GLIS1: variants seen among roughly 807,000 people sequenced by gnomAD.
GLIS1 encodes the protein GLIS family zinc finger 1.
In GLIS1, 24 loss-of-function variants were observed where a neutral mutation model predicts 63.8. The ratio of observed to expected loss-of-function variants is 0.38; its 90% CI spans 0.27 to 0.53. The LOEUF is 0.53. GLIS1 is among the 20% of genes least tolerant of loss of function. The probability of loss-of-function intolerance (pLI) is 0.85; values close to 1 mark genes in which losing one functional copy is unlikely to be tolerated. For missense variants in GLIS1, 1,036 were observed against 1,074.1 expected, an observed-to-expected ratio of 0.96 and a Z score of 0.50; for synonymous variants, 450 against 482.5, an observed-to-expected ratio of 0.93 and a Z score of 0.88.
intron 2 of GLIS1, among the ~76,000 whole-genome samples, chr1:53,630,578 C>T (rs1645641351): frequency 6.6e-6 from 1 of 152,006 alleles, no homozygotes; most frequent in African/African-American, 2.4e-5. Flanking sequence ...TCACTGCAAC[C>T]TCTGCCTCCC....
chr1:53,724,056 A>C (rs565665742), intron 2 of GLIS1, among the ~76,000 whole-genome samples: 7 of 152,326 alleles, frequency 4.6e-5, no homozygotes, highest in African/African-American at 1.4e-4. Context: ...GTGCTGCCTT[A>C]AGAACACTCT....
intron 2 of GLIS1, among the ~76,000 whole-genome samples, chr1:53,638,807 CG>C (rs1002544762): frequency 1.3e-5 from 2 of 152,002 alleles, no homozygotes; most frequent in African/African-American, 4.8e-5. Flanking sequence ...AGGGAGTGGC[CG>C]GGGGAGCACA....
At chr1:53,664,414 T>C (rs1347639174) in intron 2 of GLIS1, among the ~76,000 whole-genome samples, 1 of 152,258 alleles carries the variant, frequency 6.6e-6, no homozygotes, top group Non-Finnish European at 1.5e-5. Context: ...AATGGACATA[T>C]GAATTCTCTG....
intron 4 of GLIS1, among the ~76,000 whole-genome samples, chr1:53,536,879 G>C (rs907443755): frequency 2.6e-5 from 4 of 151,158 alleles, no homozygotes; most frequent in Non-Finnish European, 5.9e-5. Context: ...GGAGAAGAAA[G>C]TACCAGCTGA....
At chr1:53,529,322 C>T (rs1204256836) in intron 5 of GLIS1, among the ~76,000 whole-genome samples, 3 of 152,142 alleles carry the variant, frequency 2.0e-5, no homozygotes, top group African/African-American at 7.2e-5. Flanking sequence ...CAAAAGACCA[C>T]CCTGGAGAGC....
intron 2 of GLIS1, among the ~76,000 whole-genome samples, chr1:53,656,379 T>C (rs1340119357): frequency 2.6e-5 from 4 of 152,200 alleles, no homozygotes; most frequent in Non-Finnish European, 5.9e-5. Context: ...CCGGGGAGGC[T>C]GCATTAACGG....
chr1:53,508,279 G>A (rs1293062791), intron 10 of GLIS1, among the ~76,000 whole-genome samples: 3 of 152,240 alleles, frequency 2.0e-5, no homozygotes, highest in Non-Finnish European at 4.4e-5. Context: ...TGGCACGGGC[G>A]CAGGTGTGTG....
rs554201532 is a variant in GLIS1, at chr1:53,612,517, G to A, written c.260-12239C>T. 3.9e-5 allele frequency among the ~76,000 whole-genome samples: 6 copies of A among 152,246 alleles called. No individual in the cohort carries two copies. The South Asian group carries it at 1.2e-3, about 32-fold the overall frequency. ...GGCCTCCCAAAGTGCTGGGACTACA[G>A]GTGTGAGCCACCGCGCCTGGCCTGT... On this transcript the variant is annotated intron_variant, in intron 2 of 10. Transcript: ENST00000628545.
intron 4 of GLIS1, among the ~76,000 whole-genome samples, chr1:53,593,572 A>C (rs942157986): frequency 3.9e-5 from 6 of 152,218 alleles, no homozygotes; most frequent in African/African-American, 1.4e-4. Context: ...GCCCCAGCCC[A>C]AACCCTGCCC....
intron 4 of GLIS1, among the ~76,000 whole-genome samples, chr1:53,576,125 C>T (rs993587770): frequency 3.9e-5 from 6 of 152,144 alleles, no homozygotes; most frequent in Middle Eastern, 3.4e-3. Flanking sequence ...ACGTGTACCC[C>T]GGGTACTTCA....
At chr1:53,605,438 C>T (rs1357023146) in intron 2 of GLIS1, among the ~76,000 whole-genome samples, 1 of 152,228 alleles carries the variant, frequency 6.6e-6, no homozygotes, top group East Asian at 1.9e-4. Flanking sequence ...TCCTGGCTTC[C>T]TCCACTGCCT....
rs747504621 is a variant in GLIS1, at chr1:53,510,009, G to A, written c.1902C>T (p.Leu634=). 7.8e-7 allele frequency: 1 copy of A among 1,274,632 alleles called. No individual in the cohort carries two copies. The highest frequency in any genetic ancestry group is 1.0e-6 in the Non-Finnish European group (1 of 1,002,412). 79.0% of individuals were successfully genotyped at this position (1,274,632 alleles called of 1,614,324 possible). Residue 634 remains leucine (L), a synonymous_variant, in exon 9 of 11, where the codon CTC becomes CTT. Transcript: ENST00000628545. ...CCTTCAGGGGGCTGACTATTGGTGA[G>A]AGGAGGCCGGGCCCCAACCTGGAGA... is the stretch of plus-strand genomic sequence containing the variant. ...STRDGLGPGL[L]SPIVSPLKGL...
chr1:53,515,507 T>G (rs1644343582), intron 7 of GLIS1, among the ~76,000 whole-genome samples: 1 of 152,018 alleles, frequency 6.6e-6, no homozygotes, highest in South Asian at 2.1e-4. Flanking sequence ...GGAGTCAGCC[T>G]CATTCTAGTC....
chr1:53,524,745 G>A lies in GLIS1; in HGVS notation c.1593+32C>T, dbSNP rs1383588237. 3.9e-6 allele frequency: 6 copies of A among 1,523,362 alleles called. No individual in the cohort carries two copies. The African/African-American group carries it at 5.5e-5, about 14-fold the overall frequency. The allele number at this position is 1,523,362 out of a possible 1,614,324, so 94.4% of individuals were successfully genotyped here. On this transcript the variant is annotated intron_variant, in intron 6 of 10. Transcript: ENST00000628545. ...GATGCGGTGCAGGCGGCTGCGAGGT[G>A]GGAGGAGGCCAGATGAGGAGGGCTG...
chr1:53,609,327 G>T (rs1005785496), intron 2 of GLIS1, among the ~76,000 whole-genome samples: 1 of 129,408 alleles, frequency 7.7e-6, no homozygotes, highest in Non-Finnish European at 1.6e-5. Context: ...AGGCTGGAGT[G>T]CAGTCGTGCG....
intron 2 of GLIS1, among the ~76,000 whole-genome samples, chr1:53,643,068 G>A (rs535260226): frequency 3.9e-5 from 6 of 152,252 alleles, no homozygotes; most frequent in African/African-American, 7.2e-5. Flanking sequence ...CCGTCTTCTC[G>A]GACTAACAAG....
intron 4 of GLIS1, among the ~76,000 whole-genome samples, chr1:53,554,061 C>T (rs367682327): frequency 6.6e-6 from 1 of 152,220 alleles, no homozygotes. Flanking sequence ...TGGCTCCAGG[C>T]CCCTCGCCAG....
intron 4 of GLIS1, among the ~76,000 whole-genome samples, chr1:53,593,051 C>T (rs2100527014): frequency 6.6e-6 from 1 of 152,374 alleles, no homozygotes; most frequent in East Asian, 1.9e-4. Context: ...ACCAAGTGCT[C>T]CATGAGTGGG....
chr1:53,628,877 A>G (rs1050362174), intron 2 of GLIS1, among the ~76,000 whole-genome samples: 3 of 152,184 alleles, frequency 2.0e-5, no homozygotes, highest in Non-Finnish European at 4.4e-5. Flanking sequence ...GGCACAGGAC[A>G]GAATCCTGGC....
Sources: allele counts gnomAD v4.1 joint callset (sites outside exome capture counted in the v4.1 genomes callset), GRCh38; gene constraint gnomAD v4.1.1; transcripts MANE v1.5; gene names NCBI Gene and HGNC (gene_info 2026-07-23, HGNC 2026-07-21).